Variants in TTC8 observed in about 807,000 individuals in gnomAD.
TTC8 encodes the protein tetratricopeptide repeat protein 8.
A neutral mutation model predicts 72.5 loss-of-function variants in TTC8; 47 were observed. The ratio of observed to expected loss-of-function variants is 0.65; its 90% confidence interval spans 0.51 to 0.83. TTC8 has a LOEUF of 0.83. Ranked by LOEUF, TTC8 falls within the 40% of genes least tolerant of loss-of-function variation. The pLI is 0.00. For missense variants in TTC8, 611 were observed against 623.2 expected (o/e 0.98, Z 0.21); for synonymous variants, 199 against 221.4 (o/e 0.90, Z 0.90).
chr14:88,824,700 C>A lies in TTC8; in HGVS notation c.-8C>A. 1 of 1,598,260 alleles carries A rather than the reference C, an allele frequency of 6.3e-7. No individual in the cohort carries two copies. The highest frequency in any genetic ancestry group is 8.5e-7 in the Non-Finnish European group (1 of 1,172,116). On this transcript the variant is annotated 5_prime_UTR_variant, in exon 1 of 15. Transcript: ENST00000380656. ...AGCGCTGGGCCTTCGCTGGCCGCAC[C>A]GGCAGCCATGAGCTCGGAGATGGAG...
chr14:88,836,020 A>G (rs530583069), intron 2 of TTC8, among the ~76,000 whole-genome samples: 1 of 152,262 alleles, frequency 6.6e-6, no homozygotes, highest in South Asian at 2.1e-4. Flanking sequence ...AGGAAGATTA[A>G]TTTTCTCAAA....
At chr14:88,860,670 T>A (rs1210210194) in intron 9 of TTC8, among the ~76,000 whole-genome samples, 3 of 152,208 alleles carry the variant, frequency 2.0e-5, no homozygotes, top group Non-Finnish European at 4.4e-5. Context: ...ATTGCCAGTC[T>A]CTGGCAATAG....
chr14:88,827,979 T>G (rs370096545), intron 1 of TTC8, among the ~76,000 whole-genome samples: 2 of 152,178 alleles, frequency 1.3e-5, no homozygotes, highest in Admixed American at 6.5e-5. Context: ...AATGAGTGCG[T>G]CGATCATGTT....
chr14:88,849,661 A>G (rs545188924), intron 7 of TTC8, among the ~76,000 whole-genome samples: 1 of 152,208 alleles, frequency 6.6e-6, no homozygotes. Flanking sequence ...GGCAGTATCA[A>G]CGAAACTCAG....
At chr14:88,839,368 A>G (rs71425330) in intron 2 of TTC8, 84 bp from the exon 3 acceptor site, 1 of 1,415,064 alleles carries the variant, frequency 7.1e-7, no homozygotes, top group Non-Finnish European at 9.8e-7. Context: ...TGAAATAACA[A>G]CAATGAAGGA....
At chr14:88,825,154 T>G (rs770302335) in intron 1 of TTC8, among the ~76,000 whole-genome samples, 3 of 152,222 alleles carry the variant, frequency 2.0e-5, no homozygotes, top group Non-Finnish European at 2.9e-5. Context: ...ATTGATGGGC[T>G]TTAAGCTCTC....
intron 8 of TTC8, among the ~76,000 whole-genome samples, chr14:88,856,399 A>T (rs1029999984): frequency 1.5e-4 from 23 of 152,226 alleles, no homozygotes; most frequent in Non-Finnish European, 4.4e-5. Flanking sequence ...TATCATTTTG[A>T]TTTGATTTCA....
At chr14:88,859,472 A>G (rs920607189) in intron 9 of TTC8, among the ~76,000 whole-genome samples, 3 of 152,204 alleles carry the variant, frequency 2.0e-5, no homozygotes, top group African/African-American at 7.2e-5. Flanking sequence ...TGATGAGAAC[A>G]CATGGACACA....
rs116236753 is a variant in TTC8, at chr14:88,832,048, A to C, written c.115-1645A>C. On this transcript the variant is annotated intron_variant, in intron 1 of 14. Transcript: ENST00000380656. Reference sequence around the variant, plus strand: ...TAGGCCTGGTCTCCATTTTCCTTCAATGCAATCCCTCACCTGTCTCTGCAC... The same window carrying C: ...TAGGCCTGGTCTCCATTTTCCTTCACTGCAATCCCTCACCTGTCTCTGCAC... Among the ~76,000 whole-genome samples, 1,356 of 152,188 alleles carry C rather than the reference A, an allele frequency of 8.9e-3. 25 individuals carry two copies. The highest frequency in any genetic ancestry group is 0.031 in the African/African-American group (1,293 of 41,504).
intron 7 of TTC8, among the ~76,000 whole-genome samples, chr14:88,844,694 G>A (rs201211459): frequency 6.6e-6 from 1 of 151,568 alleles, no homozygotes; most frequent in East Asian, 1.9e-4. Flanking sequence ...ATAGGCGTGT[G>A]CCACCATGCC....
At chr14:88,860,461 A>G (rs1176097894) in intron 9 of TTC8, among the ~76,000 whole-genome samples, 2 of 152,184 alleles carry the variant, frequency 1.3e-5, no homozygotes, top group Admixed American at 1.3e-4. Context: ...CTGACCTCAC[A>G]AACCTGTGTC....
At chr14:88,867,544 TACTACAATTTGGGGATGGGGC>T (rs2094916451) in intron 10 of TTC8, among the ~76,000 whole-genome samples, 2 of 152,228 alleles carry the variant, frequency 1.3e-5, no homozygotes, top group African/African-American at 2.4e-5. Flanking sequence ...AGCCTCTGCC[TACTACAATTTGGGGATGGGGC>T]ATTTACTTTT....
chr14:88,830,752 G>C, intron 1 of TTC8: 8 of 430,002 alleles, frequency 1.9e-5, no homozygotes, highest in South Asian at 1.4e-4. Flanking sequence ...GAAGCTGCAC[G>C]GGTGGATTAA....
chr14:88,875,031 G>A lies in TTC8; in HGVS notation c.1353G>A (p.Arg451=), dbSNP rs2094951123. 6.2e-7 allele frequency: 1 copy of A among 1,611,114 alleles called. No homozygotes were observed. The highest frequency in any genetic ancestry group is 1.3e-5 in the African/African-American group (1 of 74,756). The part of the protein sequence containing the change: ...EMRKGHVEQA[R]ALLQTASSLA... ...TTCTTTATTTTTATACACAGGCAAG[G>A]GCACTATTACAAACTGCATCATCAT... Residue 451 remains arginine (R), a synonymous_variant, in exon 14 of 15, where the codon AGG becomes AGA. Coordinates refer to ENST00000380656, the MANE Select transcript of TTC8 (RefSeq NM_144596.4).
chr14:88,858,634 C>A lies in TTC8; in HGVS notation c.798+1357C>A, dbSNP rs574373665. Among the ~76,000 whole-genome samples the A allele has an allele frequency of 5.9e-5, 9 of 151,938 alleles. No homozygotes were observed. The East Asian group carries it at 1.6e-3, about 26-fold the overall frequency. On this transcript the variant is annotated intron_variant, in intron 9 of 14. Transcript: ENST00000380656. ...TCTGAGTAGGGGTGTCACTCTGTCA[C>A]CCAGGCTGGAGTGCACTGCCATTAT...
At chr14:88,873,702 C>A (rs1186272807) in intron 13 of TTC8, among the ~76,000 whole-genome samples, 1 of 152,090 alleles carries the variant, frequency 6.6e-6, no homozygotes, top group Non-Finnish European at 1.5e-5. Context: ...ATGGTAGATG[C>A]TTAATAAATT....
chr14:88,834,447 G>T (rs1027345377), intron 2 of TTC8, among the ~76,000 whole-genome samples: 3 of 152,200 alleles, frequency 2.0e-5, no homozygotes, highest in African/African-American at 7.2e-5. Context: ...GCCCTACCAA[G>T]CGAGATGGAA....
chr14:88,869,628 G>A lies in TTC8; in HGVS notation c.910-431G>A, dbSNP rs569122648. On this transcript the variant is annotated intron_variant, in intron 10 of 14. Transcript: ENST00000380656. The stretch of plus-strand genomic sequence containing the variant: ...GTGGTTCTTCATATGTGACAAGCAC[G>A]TTCCCCTCTCAGGCTCATACATTTG... Among the ~76,000 whole-genome samples the A allele has an allele frequency of 2.6e-5, 4 of 152,114 alleles. No homozygotes were observed. The South Asian group carries it at 8.3e-4, about 32-fold the overall frequency.
At chr14:88,867,320 G>A (rs1475357255) in intron 10 of TTC8, among the ~76,000 whole-genome samples, 1 of 152,144 alleles carries the variant, frequency 6.6e-6, no homozygotes, top group African/African-American at 2.4e-5. Flanking sequence ...TATGGTCTCT[G>A]TATTGATGGA....
Sources: gnomAD v4.1 joint callset for allele counts (sites outside exome capture counted in the v4.1 genomes callset) on GRCh38, gnomAD v4.1.1 for gene constraint, MANE v1.5 for transcripts, NCBI Gene and HGNC (gene_info 2026-07-23, HGNC 2026-07-21) for gene names.